CUX1: variants seen among roughly 807,000 people sequenced by gnomAD.
The protein encoded by CUX1 is protein CASP.
Under a neutral mutation model 158.8 loss-of-function variants are expected in CUX1, and 31 were observed. That is an observed-to-expected ratio of 0.20 (90% confidence interval 0.15 to 0.26). The LOEUF is 0.26. Ranked by LOEUF, CUX1 falls within the 10% of genes least tolerant of loss-of-function variation. The pLI is 1.00. For missense variants in CUX1, 1,589 were observed against 2,014.6 expected (o/e 0.79, Z 4.04); for synonymous variants, 879 against 862.1 (o/e 1.02, Z -0.34).
chr7:102,246,797 G>A (rs958155929), intron 23 of CUX1, among the ~76,000 whole-genome samples: 8 of 152,078 alleles, frequency 5.3e-5, no homozygotes, highest in African/African-American at 1.2e-4. Flanking sequence ...CTCGAACGCC[G>A]GGCCTCAAGC....
chr7:101,834,147 T>G (rs1794363884), intron 1 of CUX1, among the ~76,000 whole-genome samples: 1 of 150,518 alleles, frequency 6.6e-6, no homozygotes, highest in Admixed American at 6.6e-5. Flanking sequence ...TCTTATTTAT[T>G]TGAAAAGCTG....
chr7:102,265,137 C>T (rs1395783438), intron 14 of CUX1, among the ~76,000 whole-genome samples: 1 of 152,092 alleles, frequency 6.6e-6, no homozygotes, highest in African/African-American at 2.4e-5. Context: ...GGGTGGATCA[C>T]CTGAGGTCAG....
chr7:101,900,915 G>A (rs1300268847), intron 1 of CUX1, among the ~76,000 whole-genome samples: 3 of 152,166 alleles, frequency 2.0e-5, no homozygotes, highest in Admixed American at 2.0e-4. Context: ...TAAGTTGCAG[G>A]ATACTTAATC....
intron 3 of CUX1, among the ~76,000 whole-genome samples, chr7:102,049,606 G>A (rs1225755406): frequency 2.0e-5 from 3 of 152,098 alleles, no homozygotes; most frequent in African/African-American, 2.4e-5. Flanking sequence ...TGGAGAGGCC[G>A]AGGCAGGAGG....
At chr7:102,141,763 C>T (rs1191280485) in intron 8 of CUX1, among the ~76,000 whole-genome samples, 2 of 149,502 alleles carry the variant, frequency 1.3e-5, no homozygotes, top group African/African-American at 4.9e-5. Flanking sequence ...GCTGGGATTA[C>T]AGGTGCACAC....
intron 1 of CUX1, among the ~76,000 whole-genome samples, chr7:101,852,909 C>T: frequency 6.6e-6 from 1 of 152,016 alleles, no homozygotes; most frequent in Non-Finnish European, 1.5e-5. Flanking sequence ...AACTCCTGAC[C>T]TCAGGTGATC....
chr7:102,027,375 A>G (rs559612626), intron 2 of CUX1, among the ~76,000 whole-genome samples: 79 of 152,132 alleles, frequency 5.2e-4, no homozygotes, highest in Non-Finnish European at 8.1e-4. Flanking sequence ...TCCATCTCAA[A>G]AAAAAAGAAG....
At chr7:102,079,423 G>A (rs570872480) in intron 4 of CUX1, among the ~76,000 whole-genome samples, 6 of 149,796 alleles carry the variant, frequency 4.0e-5, no homozygotes, top group African/African-American at 1.0e-4. Context: ...GGGCAACAGA[G>A]TGAGACTCTG....
Position 102,227,474 on chromosome 7 carries a change from C to A in CUX1, c.3238C>A (p.Pro1080Thr), listed in dbSNP as rs1554528987. ...CGAGCTGGTCCAGCAGCCCTGTCCC[C>A]CCATCGAGGCGAGCAAGGACAGCAA... ...LTELVQQPCP[P>T]IEASKDSKPP... is the part of the protein sequence containing the mutation. The change falls in exon 21 of 24, where the codon CCC becomes ACC. Residue 1080 changes from proline (P) to threonine (T), a missense_variant. Physicochemically the swap from Pro to Thr is conservative, Grantham distance 38 (BLOSUM62 -1). Coordinates refer to ENST00000292535, the MANE Select transcript of CUX1 (RefSeq NM_181552.4). The A allele has an allele frequency of 6.2e-7, 1 of 1,614,100 alleles. No individual in the cohort carries two copies. Among genetic ancestry groups the A allele is most frequent in the Admixed American group, 1.7e-5 (1 of 60,012 alleles).
rs199943461 is a variant in CUX1 at position 102,282,991 on chromosome 7, G to A, written c.1968-30G>A. 6.3e-5 allele frequency: 93 copies of A among 1,484,886 alleles called. No individual in the cohort carries two copies. The South Asian group carries it at 8.4e-4, about 13-fold the overall frequency. The allele number at this position is 1,484,886 out of a possible 1,614,324, so 92.0% of individuals were successfully genotyped here. A position where few individuals can be genotyped will look rare whatever the true frequency, so the allele number is the denominator to read the frequency against. On this transcript the variant is annotated intron_variant, in intron 22 of 22. Transcript: ENST00000292538. Reference sequence around the variant, plus strand: ...CCCCCCTTCCCCAACACACACACTCGGCCTCAGCAAAGCTTCCCGTGTCCC... The same window carrying A: ...CCCCCCTTCCCCAACACACACACTCAGCCTCAGCAAAGCTTCCCGTGTCCC...
chr7:101,919,854 G>C (rs1212430434), intron 2 of CUX1, among the ~76,000 whole-genome samples: 1 of 152,206 alleles, frequency 6.6e-6, no homozygotes, highest in Non-Finnish European at 1.5e-5. Flanking sequence ...GAGGGGTGCT[G>C]TGTGGTGGCT....
intron 1 of CUX1, among the ~76,000 whole-genome samples, chr7:101,866,310 A>G (rs1157076893): frequency 6.6e-6 from 1 of 151,360 alleles, no homozygotes; most frequent in African/African-American, 2.4e-5. Flanking sequence ...TAAAAAAAAA[A>G]CAAAACAAAA....
At chr7:102,022,093 C>T (rs1312200057) in intron 2 of CUX1, among the ~76,000 whole-genome samples, 1 of 152,074 alleles carries the variant, frequency 6.6e-6, no homozygotes, top group African/African-American at 2.4e-5. Context: ...AGCACGAGGC[C>T]CTAAGATGGA....
chr7:101,965,932 A>G (rs1050368083), intron 2 of CUX1, among the ~76,000 whole-genome samples: 2 of 151,286 alleles, frequency 1.3e-5, no homozygotes, highest in Admixed American at 1.3e-4. Flanking sequence ...TGTGGACCTC[A>G]TTTAGATTAC....
intron 11 of CUX1, among the ~76,000 whole-genome samples, chr7:102,187,192 T>C (rs1466317268): frequency 1.3e-5 from 2 of 152,128 alleles, no homozygotes; most frequent in Non-Finnish European, 2.9e-5. Flanking sequence ...GAAACTGTAA[T>C]GGGACTTAGC....
At chr7:102,107,734 G>C (rs550521953) in intron 6 of CUX1, among the ~76,000 whole-genome samples, 37 of 152,318 alleles carry the variant, frequency 2.4e-4, no homozygotes, top group African/African-American at 5.1e-4. Context: ...TACAGCTTTT[G>C]CGGCTAATCA....
At chr7:102,105,504 CTTTTTTT>C (rs781922611) in intron 6 of CUX1, among the ~76,000 whole-genome samples, 1 of 85,878 alleles carries the variant, frequency 1.2e-5, no homozygotes, top group Non-Finnish European at 2.1e-5. Context: ...CCATATAGAT[CTTTTTTT>C]TTTTTTTTTT....
At position 102,132,821 on chromosome 7, in the gene CUX1, G is replaced by A. The variant is rs192055441; in HGVS notation, c.674+17548G>A. Among the ~76,000 whole-genome samples the A allele has an allele frequency of 5.0e-3, 749 of 151,008 alleles. 5 individuals are homozygous for A. Among genetic ancestry groups the A allele is most frequent in the African/African-American group, 0.017 (713 of 41,116 alleles). ...TGAGTAGCTGGGATTACAGGCACCC[G>A]CCACTACACCTGGCTAATTTTTGTA... is the stretch of plus-strand genomic sequence containing the variant. On this transcript the variant is annotated intron_variant, in intron 8 of 23. Coordinates refer to ENST00000292535, the MANE Select transcript of CUX1 (RefSeq NM_181552.4).
At chr7:102,198,684 G>A in intron 15 of CUX1, 118 bp from the exon 16 acceptor site, 1 of 844,196 alleles carries the variant, frequency 1.2e-6, no homozygotes, top group Admixed American at 2.1e-5. Context: ...AGTTGCACAG[G>A]CAGCCCTGAG....
Sources: gnomAD v4.1 joint callset for allele counts (sites outside exome capture counted in the v4.1 genomes callset) on GRCh38, gnomAD v4.1.1 for gene constraint, MANE v1.5 for transcripts, NCBI Gene and HGNC (gene_info 2026-07-23, HGNC 2026-07-21) for gene names.